Variants in TCEA3 observed in about 807,000 individuals in gnomAD.
The protein encoded by TCEA3 is transcription elongation factor A protein 3.
In TCEA3, 36 loss-of-function variants were observed where a neutral mutation model predicts 44.0. The observed-to-expected ratio is 0.82, with a 90% CI of 0.63 to 1.08. The LOEUF (loss-of-function observed/expected upper bound fraction) is 1.08, where lower values mean the gene tolerates loss of function less well. Ranked by LOEUF, TCEA3 falls within the 50% of genes least tolerant of loss-of-function variation. TCEA3 has a pLI of 0.00. For missense variants in TCEA3, 392 were observed against 441.2 expected (o/e 0.89, Z 1.00); for synonymous variants, 162 against 159.7 (o/e 1.01, Z -0.11).
At chr1:23,412,701 T>G (rs554383446) in intron 4 of TCEA3, among the ~76,000 whole-genome samples, 1 of 148,558 alleles carries the variant, frequency 6.7e-6, no homozygotes, top group African/African-American at 2.5e-5. Flanking sequence ...AGAGTGAAAC[T>G]CCATCTCAAA....
intron 8 of TCEA3, among the ~76,000 whole-genome samples, chr1:23,390,084 T>G (rs1458679141): frequency 6.6e-6 from 1 of 152,108 alleles, no homozygotes; most frequent in African/African-American, 2.4e-5. Context: ...GGTTAACTGT[T>G]TGGGGTCTGG....
At chr1:23,420,298 G>T (rs7556428) in intron 1 of TCEA3, among the ~76,000 whole-genome samples, 1,683 of 152,314 alleles carry the variant, frequency 0.011, 9 homozygotes, top group Non-Finnish European at 0.019. Flanking sequence ...CTGGAGCGCA[G>T]TGGCACAATC....
At chr1:23,420,682 AAG>A (rs1377829215) in intron 1 of TCEA3, among the ~76,000 whole-genome samples, 1 of 152,178 alleles carries the variant, frequency 6.6e-6, no homozygotes, top group African/African-American at 2.4e-5. Context: ...CTCTCGGGTA[AAG>A]AGAACCGTTC....
Position 23,413,630 on chromosome 1 carries a change from C to A in TCEA3, c.380+3619G>T, listed in dbSNP as rs561727017. ...TGTATTTTTAGTAGAGACAGGGTTTCACCATGTAGGCCAGGCTGGTCTTGA... is the reference window on the plus strand; with the variant it reads ...TGTATTTTTAGTAGAGACAGGGTTTAACCATGTAGGCCAGGCTGGTCTTGA... On this transcript the variant is annotated intron_variant, in intron 4 of 10. Coordinates refer to ENST00000450454, the MANE Select transcript of TCEA3 (RefSeq NM_003196.3). Among the ~76,000 whole-genome samples the A allele has an allele frequency of 6.6e-5, 10 of 151,874 alleles. No homozygotes were observed. The South Asian group carries it at 2.1e-3, about 32-fold the overall frequency.
chr1:23,407,950 T>G (rs1000426431), intron 5 of TCEA3, among the ~76,000 whole-genome samples: 4 of 151,992 alleles, frequency 2.6e-5, no homozygotes, highest in African/African-American at 9.7e-5. Context: ...TTTCTTTTCT[T>G]TTTTGTTTTG....
chr1:23,386,027 G>A (rs561065441), intron 9 of TCEA3, among the ~76,000 whole-genome samples: 14 of 152,202 alleles, frequency 9.2e-5, no homozygotes, highest in South Asian at 2.1e-4. Context: ...CTCTTCAGCC[G>A]CCATGAGTCT....
Position 23,387,364 on chromosome 1 carries a change from A to G in TCEA3, c.875T>C (p.Ile292Thr). ...ELRNAMTQEA[I>T]REHQMAKTGG... ...AGTCTTGGCCATCTGGTGCTCACGG[A>G]TGGCCTCCTGGGTCATGGCATTCCT... is the stretch of plus-strand genomic sequence containing the variant. Residue 292 changes from isoleucine (I) to threonine (T), a missense_variant, in exon 9 of 11, where the codon ATC becomes ACC. Transcript: ENST00000450454. 3.7e-6 allele frequency: 6 copies of G among 1,612,960 alleles called. No homozygotes were observed. Among genetic ancestry groups the G allele is most frequent in the Non-Finnish European group, 5.1e-6 (6 of 1,179,538 alleles).
intron 1 of TCEA3, among the ~76,000 whole-genome samples, chr1:23,423,008 C>A (rs1347362422): frequency 1.3e-5 from 2 of 152,192 alleles, no homozygotes; most frequent in Non-Finnish European, 2.9e-5. Context: ...CAGTAAGGAG[C>A]TGGGCTGGGA....
chr1:23,400,218 G>A (rs999598628), intron 5 of TCEA3, among the ~76,000 whole-genome samples: 7 of 152,072 alleles, frequency 4.6e-5, no homozygotes, highest in Non-Finnish European at 7.4e-5. Flanking sequence ...ACAAATTACT[G>A]GGCCCATTTT....
chr1:23,389,407 T>A (rs1244301178), intron 8 of TCEA3, among the ~76,000 whole-genome samples: 1 of 151,384 alleles, frequency 6.6e-6, no homozygotes, highest in Non-Finnish European at 1.5e-5. Context: ...GACAATTGCT[T>A]GAACCTGGGA....
intron 9 of TCEA3, 92 bp from the exon 10 acceptor site, chr1:23,384,509 G>A: frequency 7.3e-7 from 1 of 1,378,998 alleles, no homozygotes; most frequent in Non-Finnish European, 9.9e-7. Flanking sequence ...CCAAATCCCA[G>A]AGGTTGGCAC....
intron 10 of TCEA3, among the ~76,000 whole-genome samples, chr1:23,383,279 CAAAAAA>C (rs10604385): frequency 1.7e-5 from 2 of 118,510 alleles, no homozygotes; most frequent in Admixed American, 8.7e-5. Context: ...GACTCCATCT[CAAAAAA>C]AAAAAAAAAA....
chr1:23,419,924 T>G (rs1430806143), intron 1 of TCEA3, among the ~76,000 whole-genome samples: 1 of 152,128 alleles, frequency 6.6e-6, no homozygotes, highest in Non-Finnish European at 1.5e-5. Flanking sequence ...ATTTGATAAG[T>G]TTCAACATAC....
chr1:23,411,813 T>G (rs1285017506), intron 4 of TCEA3, among the ~76,000 whole-genome samples: 3 of 152,250 alleles, frequency 2.0e-5, no homozygotes. Context: ...TAAGCATGAC[T>G]ATGTTTTACA....
intron 4 of TCEA3, among the ~76,000 whole-genome samples, chr1:23,415,659 C>T (rs1787646): frequency 0.064 from 9,718 of 152,278 alleles, 1,007 homozygotes; most frequent in African/African-American, 0.22. Flanking sequence ...AATGTTCACT[C>T]CGTGCTAGGC....
At chr1:23,403,245 G>C (rs1015136042) in intron 5 of TCEA3, among the ~76,000 whole-genome samples, 2 of 152,260 alleles carry the variant, frequency 1.3e-5, no homozygotes, top group Non-Finnish European at 2.9e-5. Context: ...ACTGCACTGA[G>C]TTGGTTTACT....
chr1:23,389,798 C>T (rs2148547979), intron 8 of TCEA3, among the ~76,000 whole-genome samples: 1 of 152,246 alleles, frequency 6.6e-6, no homozygotes, highest in East Asian at 1.9e-4. Context: ...GTCAATGGGA[C>T]AAAATTCCAT....
At position 23,387,297 on chromosome 1, in the gene TCEA3, C is replaced by A. The variant is rs1448400555; in HGVS notation, c.942G>T (p.Lys314Asn). 6.2e-7 allele frequency: 1 copy of A among 1,614,000 alleles called. No individual in the cohort carries two copies. Among genetic ancestry groups the A allele is most frequent in the Non-Finnish European group, 8.5e-7 (1 of 1,179,888 alleles). Residue 314 changes from lysine (K) to asparagine (N), a missense_variant, in exon 9 of 11, where the codon AAG (lysine) becomes AAT (asparagine). By Grantham distance (94) the Lys-to-Asn change is moderately conservative. Transcript: ENST00000450454. ...TTDLFQCSKC[K>N]KKNCTYNQVQ... is the part of the protein sequence containing the mutation. ...CCTGGTTATAGGTGCAGTTCTTCTT[C>A]TTGCATTTGCTGCACTGGAAGAGGT...
intron 7 of TCEA3, among the ~76,000 whole-genome samples, chr1:23,396,106 A>G (rs943449122): frequency 2.6e-5 from 4 of 152,148 alleles, no homozygotes; most frequent in Non-Finnish European, 4.4e-5. Context: ...ATTAAATGAG[A>G]GTAGAGAGAA....
Sources: gnomAD v4.1 joint callset for allele counts (sites outside exome capture counted in the v4.1 genomes callset) on GRCh38, gnomAD v4.1.1 for gene constraint, MANE v1.5 for transcripts, NCBI Gene and HGNC (gene_info 2026-07-23, HGNC 2026-07-21) for gene names.